SKOR2: variants seen among roughly 807,000 people sequenced by gnomAD.
SKOR2 encodes the protein SKI family transcriptional corepressor 2.
A neutral mutation model predicts 69.1 loss-of-function variants in SKOR2; 47 were observed. The observed-to-expected ratio is 0.68, with a 90% CI of 0.54 to 0.87. The LOEUF is 0.87. SKOR2 is among the 40% of genes least tolerant of loss of function. The probability of loss-of-function intolerance (pLI) is 0.00; values close to 1 mark genes in which losing one functional copy is unlikely to be tolerated. For missense variants in SKOR2, 1,404 were observed against 1,472.2 expected (o/e 0.95, Z 0.76); for synonymous variants, 717 against 672.6 (o/e 1.07, Z -1.02).
rs2064291711 is a variant in SKOR2, at chr18:47,248,180, C to T, written c.1004G>A (p.Ser335Asn). The T allele has an allele frequency of 4.9e-6, 6 of 1,234,180 alleles. No individual in the cohort carries two copies. The highest frequency in any genetic ancestry group is 6.1e-6 in the Non-Finnish European group (6 of 991,634). 76.5% of individuals were successfully genotyped at this position (1,234,180 alleles called of 1,614,324 possible). ...AAASLSAAAA[S>N]LSVAAASGGA... is the part of the protein sequence containing the mutation. ...GCCCGAAGCAGCAGCCACAGAGAGG[C>T]TGGCGGCTGCGGCCGAGAGGCTGGC... The change falls in exon 2 of 9, where the codon AGC becomes AAC. Residue 335 changes from serine to asparagine, a missense_variant. Physicochemically the swap from Ser to Asn is conservative, Grantham distance 46 (BLOSUM62 1). Transcript: ENST00000425639. The surrounding 1 kb of genome is among the most constrained non-coding windows in gnomAD (Gnocchi z 6.4).
intron 7 of SKOR2, among the ~76,000 whole-genome samples, chr18:47,214,723 T>C (rs888525558): frequency 6.6e-6 from 1 of 152,168 alleles, no homozygotes; most frequent in African/African-American, 2.4e-5. Context: ...CCTCTTACAA[T>C]TGATGGTGCT....
intron 6 of SKOR2, among the ~76,000 whole-genome samples, chr18:47,226,990 C>A (rs773353661): frequency 3.1e-4 from 47 of 152,188 alleles, no homozygotes; most frequent in Non-Finnish European, 5.3e-4. Context: ...CCTTGCCTTG[C>A]TTTCTCCTCC....
intron 8 of SKOR2, among the ~76,000 whole-genome samples, chr18:47,211,789 T>A (rs146152363): frequency 0.014 from 2,152 of 152,270 alleles, 23 homozygotes; most frequent in Non-Finnish European, 0.023. Context: ...GGGCAGTAAC[T>A]GGGGTGTCAG....
In SKOR2 at chr18:47,247,585, C is replaced by T; in HGVS notation, c.1599G>A (p.Pro533=). The change falls in exon 2 of 9, where the codon CCG becomes CCA. Residue 533 remains proline (P), a synonymous_variant. Transcript: ENST00000425639. This position sits in a 1 kb window ranked among gnomAD's most constrained non-coding sequence, Gnocchi z 6.6. ...AGCCCGGGCCGTTGGCCACTACCTG[C>T]GGGGGCTGCCCCGGCGGGGGCGCGG... ...AEAAPPPGQP[P]QVVANGPGSG... The T allele has an allele frequency of 1.6e-6, 2 of 1,258,146 alleles. No homozygotes were observed. The highest frequency in any genetic ancestry group is 2.0e-6 in the Non-Finnish European group (2 of 1,004,012). The allele number at this position is 1,258,146 out of a possible 1,614,324, so 77.9% of individuals were successfully genotyped here.
intron 4 of SKOR2, among the ~76,000 whole-genome samples, chr18:47,243,555 T>C (rs1568089914): frequency 6.6e-6 from 1 of 152,182 alleles, no homozygotes; most frequent in South Asian, 2.1e-4. Context: ...TAGAAATTCC[T>C]TGGTAGCAAT....
At chr18:47,242,109 GGC>G (rs1465559009) in intron 4 of SKOR2, among the ~76,000 whole-genome samples, 1 of 152,056 alleles carries the variant, frequency 6.6e-6, no homozygotes, top group Non-Finnish European at 1.5e-5. Context: ...TTATCTGCTT[GGC>G]TATCATTCTT....
At chr18:47,216,522 C>T (rs2064144429) in intron 7 of SKOR2, among the ~76,000 whole-genome samples, 1 of 152,264 alleles carries the variant, frequency 6.6e-6, no homozygotes, top group South Asian at 2.1e-4. Flanking sequence ...ACTCTGTAGT[C>T]ATCACAACTT....
At chr18:47,231,897 T>C (rs1209686757) in intron 4 of SKOR2, among the ~76,000 whole-genome samples, 1 of 149,382 alleles carries the variant, frequency 6.7e-6, no homozygotes, top group Non-Finnish European at 1.5e-5. Context: ...ACATCTGTAA[T>C]TGGGAGGCTG....
chr18:47,233,532 G>A lies in SKOR2; in HGVS notation c.2753-2532C>T, dbSNP rs144938102. Among the ~76,000 whole-genome samples, 284 of 152,310 alleles carry A rather than the reference G, an allele frequency of 1.9e-3. 2 individuals are homozygous for A. In the Middle Eastern group the frequency reaches 0.027, roughly 15 times the overall value. On this transcript the variant is annotated intron_variant, in intron 4 of 8. Transcript: ENST00000425639. ...TTCAAAAATACTGGCATACAATATT[G>A]AATCTGAACAAGAGAAGAAAGAAGC...
Position 47,249,022 on chromosome 18 carries a change from C to G in SKOR2, c.162G>C (p.Leu54Phe), listed in dbSNP as rs1253089354. Residue 54 changes from leucine to phenylalanine, a missense_variant, in exon 2 of 9, where the codon TTG (leucine) becomes TTC (phenylalanine). Leu to Phe is a conservative substitution (Grantham distance 22). Transcript: ENST00000425639. ...VILYGIPIVSLVIDGQERLCL... is the reference protein window; with the variant it reads ...VILYGIPIVSFVIDGQERLCL... ...ACAGGCGCTCTTGCCCGTCGATCAC[C>G]AACGACACGATGGGAATGCCGTAGA... The G allele has an allele frequency of 2.6e-6, 4 of 1,543,064 alleles. No homozygotes were observed. Among genetic ancestry groups the G allele is most frequent in the Non-Finnish European group, 3.5e-6 (4 of 1,150,234 alleles).
At position 47,248,610 on chromosome 18, in the gene SKOR2, G is replaced by C; in HGVS notation, c.574C>G (p.Arg192Gly). The C allele has an allele frequency of 6.5e-7, 1 of 1,545,662 alleles. No individual in the cohort carries two copies. Among genetic ancestry groups the C allele is most frequent in the Non-Finnish European group, 8.7e-7 (1 of 1,150,892 alleles). ...TGAGTGTACTTGGCGTCGGGCGTGC[G>C]GTGGGAGTGGAAAATGAACTTGTTG... ...SPNKFIFHSH[R>G]TPDAKYTQPD... The change falls in exon 2 of 9, where the codon CGC (arginine) becomes GGC (glycine). Residue 192 changes from arginine (R) to glycine (G), a missense_variant. Arg to Gly is a moderately radical substitution (Grantham distance 125, BLOSUM62 -2). Transcript: ENST00000425639. This position sits in a 1 kb window ranked among gnomAD's most constrained non-coding sequence, Gnocchi z 6.4.
At chr18:47,249,859 A>C (rs1298061853) in intron 1 of SKOR2, among the ~76,000 whole-genome samples, 1 of 152,216 alleles carries the variant, frequency 6.6e-6, no homozygotes, top group African/African-American at 2.4e-5. Flanking sequence ...TTTTTTTGAA[A>C]AGGTGAAAAA....
chr18:47,223,496 T>G (rs1434566088), intron 6 of SKOR2, among the ~76,000 whole-genome samples: 1 of 152,148 alleles, frequency 6.6e-6, no homozygotes, highest in Non-Finnish European at 1.5e-5. Context: ...CTTTTAGGAG[T>G]TTAACCTAAG....
At chr18:47,234,447 T>C (rs2064212712) in intron 4 of SKOR2, 1 of 152,210 alleles carries the variant, frequency 6.6e-6, no homozygotes, top group African/African-American at 2.4e-5. Flanking sequence ...TGTTTTTAAA[T>C]ATGGACTGCT....
chr18:47,235,216 C>T (rs1465106096), intron 4 of SKOR2, among the ~76,000 whole-genome samples: 2 of 152,088 alleles, frequency 1.3e-5, no homozygotes, highest in Non-Finnish European at 2.9e-5. Flanking sequence ...CAAAAATTAG[C>T]TGGGAGTGGT....
At chr18:47,238,673 T>C (rs2064236089) in intron 4 of SKOR2, among the ~76,000 whole-genome samples, 1 of 152,206 alleles carries the variant, frequency 6.6e-6, no homozygotes, top group African/African-American at 2.4e-5. Flanking sequence ...ATACATGAGA[T>C]ACACATGCAC....
At chr18:47,225,012 C>G (rs2064174065) in intron 6 of SKOR2, among the ~76,000 whole-genome samples, 1 of 152,058 alleles carries the variant, frequency 6.6e-6, no homozygotes, top group Non-Finnish European at 1.5e-5. Flanking sequence ...CACCCCGACC[C>G]TGCACTTCAT....
Position 47,247,615 on chromosome 18 carries a change from G to A in SKOR2, c.1569C>T (p.Ala523=), listed in dbSNP as rs994435123. 2.0e-5 allele frequency: 25 copies of A among 1,280,364 alleles called. No individual in the cohort carries two copies. The highest frequency in any genetic ancestry group is 2.3e-5 in the Non-Finnish European group (23 of 1,016,440). The allele number at this position is 1,280,364 out of a possible 1,614,324, so 79.3% of individuals were successfully genotyped here. A position where few individuals can be genotyped will look rare whatever the true frequency, so the allele number is the denominator to read the frequency against. The change falls in exon 2 of 9, where the codon GCC becomes GCT. Residue 523 remains alanine, a synonymous_variant. Transcript: ENST00000425639. This position sits in a 1 kb window ranked among gnomAD's most constrained non-coding sequence, Gnocchi z 6.6. The part of the protein sequence containing the change: ...LAEPGGAAGS[A]EAAPPPGQPP... Reference sequence around the variant, plus strand: ...GCTGCCCCGGCGGGGGCGCGGCCTCGGCGCTCCCAGCAGCACCGCCTGGCT... The same window carrying A: ...GCTGCCCCGGCGGGGGCGCGGCCTCAGCGCTCCCAGCAGCACCGCCTGGCT...
rs2144523513 is a variant in SKOR2, at chr18:47,251,593, G to A, written c.-267C>T. On this transcript the variant is annotated 5_prime_UTR_variant, in exon 1 of 9. Transcript: ENST00000425639. ...CGGGGCGTCCCCTCCACCGCAGAAA[G>A]TGTGGGTACGCAGAAACCCGCGGCA... is the stretch of plus-strand genomic sequence containing the variant. The A allele has an allele frequency of 6.6e-6, 1 of 152,346 alleles. No homozygotes were observed. The highest frequency in any genetic ancestry group is 2.1e-4 in the South Asian group (1 of 4,830). 9.4% of individuals were successfully genotyped at this position (152,346 alleles called of 1,614,324 possible).
Sources: gnomAD v4.1 joint callset for allele counts (sites outside exome capture counted in the v4.1 genomes callset) on GRCh38, gnomAD v4.1.1 for gene constraint, Gnocchi (gnomAD v3.1) non-coding constraint, MANE v1.5 for transcripts, NCBI Gene and HGNC (gene_info 2026-07-23, HGNC 2026-07-21) for gene names.